Variants in GAB3 observed in about 807,000 individuals in gnomAD.
GAB3 encodes GRB2 associated binding protein 3.
GAB3 carries 12 observed loss-of-function variants against 40.4 expected under a neutral mutation model. The ratio of observed to expected loss-of-function variants is 0.30; its 90% CI spans 0.19 to 0.48. GAB3 has a LOEUF of 0.48. Among genes scored for constraint, GAB3 ranks in the 20% least tolerant of loss-of-function variants. GAB3 has a pLI of 0.99. For missense variants in GAB3, 381 were observed against 461.9 expected (o/e 0.82, Z 1.61); for synonymous variants, 154 against 176.7 (o/e 0.87, Z 1.02).
At chrX:154,692,120 G>A (rs1271201529) in intron 8 of GAB3, among the ~76,000 whole-genome samples, 1 of 111,560 alleles carries the variant, frequency 9.0e-6, no homozygotes, top group Non-Finnish European at 1.9e-5. Context: ...TGATTTCATG[G>A]ATATGACGCC....
chrX:154,714,692 G>A (rs2071018609), intron 2 of GAB3, among the ~76,000 whole-genome samples: 1 of 111,896 alleles, frequency 8.9e-6, no homozygotes, highest in Non-Finnish European at 1.9e-5. Flanking sequence ...TGGGTTATTG[G>A]GAAACATATT....
chrX:154,693,830 C>A (rs2070609114), intron 8 of GAB3, among the ~76,000 whole-genome samples: 1 of 111,676 alleles, frequency 9.0e-6, no homozygotes. Context: ...AAAAGCCTTA[C>A]AAAGCTGTTG....
intron 7 of GAB3, 192 bp from the exon 8 acceptor site, chrX:154,696,211 C>A: frequency 7.5e-6 from 2 of 265,569 alleles, no homozygotes; most frequent in Non-Finnish European, 1.4e-5. Context: ...AAATGGCTCC[C>A]AATTCACAAA....
At chrX:154,749,552 A>G (rs2071580426) in intron 1 of GAB3, among the ~76,000 whole-genome samples, 1 of 112,291 alleles carries the variant, frequency 8.9e-6, no homozygotes, top group African/African-American at 3.2e-5. Context: ...AGAGGCCAAG[A>G]GATATTGGAC....
intron 8 of GAB3, among the ~76,000 whole-genome samples, chrX:154,683,390 C>T (rs941599135): frequency 8.0e-5 from 9 of 112,229 alleles, no homozygotes; most frequent in African/African-American, 2.9e-4. Flanking sequence ...ACTTAATCAC[C>T]TTGTCGTTAG....
Position 154,699,379 on chromosome X carries a change from T to A in GAB3, c.1260A>T (p.Ser420=). ...CAGGCAACGGGCTTGAGATGCTTCC[T>A]GAGTTCATTGGAATGTAGTCATCAG... ...CSPDDYIPMN[S]GSISSPLPEL... The change falls in exon 6 of 10, where the codon TCA becomes TCT. Residue 420 remains serine, a synonymous_variant. Transcript: ENST00000424127. 2 of 1,211,372 alleles carry A rather than the reference T, an allele frequency of 1.7e-6. No individual in the cohort carries two copies. The highest frequency in any genetic ancestry group is 3.0e-5 in the East Asian group (1 of 33,841).
chrX:154,737,967 G>T (rs2071387271), intron 1 of GAB3, among the ~76,000 whole-genome samples: 1 of 111,863 alleles, frequency 8.9e-6, no homozygotes, highest in Non-Finnish European at 1.9e-5. Context: ...TCCAGCCTGG[G>T]CAACAGAGTG....
At chrX:154,715,430 G>T (rs1339472757) in intron 2 of GAB3, among the ~76,000 whole-genome samples, 3 of 99,337 alleles carry the variant, frequency 3.0e-5, no homozygotes, top group Non-Finnish European at 6.2e-5. Context: ...GCGTGTGGCA[G>T]AGAGAGAGAG....
In GAB3 at chrX:154,716,300, C is replaced by T; in HGVS notation, c.102G>A (p.Arg34=). 8.3e-7 allele frequency: 1 copy of T among 1,211,516 alleles called. No individual in the cohort carries two copies. The highest frequency in any genetic ancestry group is 1.1e-6 in the Non-Finnish European group (1 of 895,167). ...YAWRKRWFVL[R]RGRMSGNPDV... is the part of the protein sequence containing the mutation. ...CGGGGTTGCCGCTCATGCGGCCTCGCCGGAGGACAAACCAGCGCTTGCGCC... is the reference window on the plus strand; with the variant it reads ...CGGGGTTGCCGCTCATGCGGCCTCGTCGGAGGACAAACCAGCGCTTGCGCC... Residue 34 remains arginine, a synonymous_variant, in exon 2 of 10, where the codon CGG becomes CGA. Coordinates refer to ENST00000424127, the MANE Select transcript of GAB3 (RefSeq NM_001081573.3).
At chrX:154,690,519 CT>C (rs2148421612) in intron 8 of GAB3, among the ~76,000 whole-genome samples, 1 of 112,346 alleles carries the variant, frequency 8.9e-6, no homozygotes, top group Non-Finnish European at 1.9e-5. Context: ...ACCTACTCAT[CT>C]GACAATGGGC....
intron 1 of GAB3, among the ~76,000 whole-genome samples, chrX:154,733,935 C>A (rs982890033): frequency 2.7e-5 from 3 of 112,207 alleles, no homozygotes; most frequent in Non-Finnish European, 5.6e-5. Flanking sequence ...TATTTACTTA[C>A]AATGTTGATC....
At chrX:154,720,324 A>T (rs1603426660) in intron 1 of GAB3, among the ~76,000 whole-genome samples, 1 of 112,105 alleles carries the variant, frequency 8.9e-6, no homozygotes, top group Non-Finnish European at 1.9e-5. Context: ...TGAATGATGC[A>T]TGATTGTGTA....
intron 4 of GAB3, among the ~76,000 whole-genome samples, chrX:154,711,506 A>G (rs1557255993): frequency 9.0e-6 from 1 of 111,701 alleles, no homozygotes; most frequent in African/African-American, 3.3e-5. Flanking sequence ...AGGTGGAGGA[A>G]GATGGAACTG....
intron 4 of GAB3, among the ~76,000 whole-genome samples, chrX:154,702,313 GAATA>G (rs1569557562): frequency 8.9e-6 from 1 of 111,993 alleles, no homozygotes; most frequent in African/African-American, 3.2e-5. Flanking sequence ...TCCATACACA[GAATA>G]ATTAAACTAA....
chrX:154,728,261 G>A (rs189878396), intron 1 of GAB3, among the ~76,000 whole-genome samples: 2 of 111,939 alleles, frequency 1.8e-5, no homozygotes, highest in Admixed American at 1.9e-4. Flanking sequence ...GGAGCTCTAC[G>A]TTTTGATCCT....
rs2070297726 is a variant in GAB3 at position 154,676,394 on chromosome X, C to T, written c.*1784G>A. ...TTCTTGCCTGAGACTCTTTGCAAGTCACATGGGGAAGAAGGCAGCTCCTCA... is the reference window on the plus strand; with the variant it reads ...TTCTTGCCTGAGACTCTTTGCAAGTTACATGGGGAAGAAGGCAGCTCCTCA... On this transcript the variant is annotated 3_prime_UTR_variant, in exon 10 of 10. Coordinates refer to ENST00000424127, the MANE Select transcript of GAB3 (RefSeq NM_001081573.3). 1 of 111,095 alleles carries T rather than the reference C, an allele frequency of 9.0e-6. No homozygotes were observed. Among genetic ancestry groups the T allele is most frequent in the Non-Finnish European group, 1.9e-5 (1 of 53,038 alleles). 9.2% of individuals were successfully genotyped at this position (111,095 alleles called of 1,213,427 possible). A position where few individuals can be genotyped will look rare whatever the true frequency, so the allele number is the denominator to read the frequency against.
chrX:154,709,390 G>A (rs150929455), intron 4 of GAB3, among the ~76,000 whole-genome samples: 5 of 104,595 alleles, frequency 4.8e-5, no homozygotes, highest in Non-Finnish European at 9.8e-5. Context: ...GTGTGATCTT[G>A]GCTCACTGCA....
At chrX:154,684,383 AG>A (rs1362797659) in intron 8 of GAB3, among the ~76,000 whole-genome samples, 1 of 111,409 alleles carries the variant, frequency 9.0e-6, no homozygotes, top group Admixed American at 9.5e-5. Flanking sequence ...ATAAACATTC[AG>A]GTTTTCTAAT....
At position 154,712,642 on chromosome X, in the gene GAB3, A is replaced by G; in HGVS notation, c.656T>C (p.Phe219Ser). Residue 219 changes from phenylalanine (F) to serine (S), a missense_variant, in exon 4 of 10, where the codon TTT becomes TCT. Around this residue, in one of 2 missense-constraint regions of GAB3, gnomAD observed 364 missense variants for 421.0 expected, o/e 0.86. Coordinates refer to ENST00000424127, the MANE Select transcript of GAB3 (RefSeq NM_001081573.3). ...CAGGCAGTCAACAAAAACATCATCA[A>G]ATGAAGCCTGTTCCAATGAACGGTC... ...NSDRSLEQAS[F>S]DDVFVDCLQP... The G allele has an allele frequency of 8.8e-7, 1 of 1,139,053 alleles. No individual in the cohort carries two copies. The highest frequency in any genetic ancestry group is 1.2e-6 in the Non-Finnish European group (1 of 861,434). 93.9% of individuals were successfully genotyped at this position (1,139,053 alleles called of 1,213,427 possible).
Sources: allele counts gnomAD v4.1 joint callset (sites outside exome capture counted in the v4.1 genomes callset), GRCh38; gene constraint gnomAD v4.1.1; regional missense constraint gnomAD v4.1.1; transcripts MANE v1.5; gene names NCBI Gene and HGNC (gene_info 2026-07-23, HGNC 2026-07-21).